The following CIAO2A variants were observed in gnomAD, a reference collection of about 807,000 sequenced individuals.
CIAO2A encodes cytosolic iron-sulfur assembly component 2A, also known as MIP18 family protein FAM96A.
CIAO2A carries 17 observed loss-of-function variants against 22.4 expected under a neutral mutation model. The ratio of observed to expected loss-of-function variants is 0.76; its 90% CI spans 0.52 to 1.14. The LOEUF (loss-of-function observed/expected upper bound fraction) is 1.14. Among genes scored for constraint, CIAO2A ranks in the 50% most tolerant of loss-of-function variants. The probability of loss-of-function intolerance (pLI) is 0.00; values close to 1 mark genes in which losing one functional copy is unlikely to be tolerated. For synonymous variants in CIAO2A, 74 were observed against 72.3 expected (o/e 1.02, Z -0.12); for missense variants, 192 against 191.4 (o/e 1.00, Z -0.02).
intron 1 of CIAO2A, among the ~76,000 whole-genome samples, chr15:64,089,725 G>A (rs546001660): frequency 7.9e-5 from 12 of 152,270 alleles, no homozygotes; most frequent in African/African-American, 2.2e-4. Flanking sequence ...CTCATCATCA[G>A]CTGCTAGACT....
intron 2 of CIAO2A, among the ~76,000 whole-genome samples, chr15:64,085,022 G>T (rs537543570): frequency 1.4e-5 from 2 of 141,384 alleles, no homozygotes; most frequent in East Asian, 4.3e-4. Flanking sequence ...AACCTGGGAG[G>T]TGGAAGCTCC....
chr15:64,091,386 G>A (rs368546826), intron 1 of CIAO2A, among the ~76,000 whole-genome samples: 2 of 151,812 alleles, frequency 1.3e-5, no homozygotes, highest in South Asian at 2.1e-4. Context: ...TCAGGAGGCT[G>A]AGGTAGGAGA....
intron 3 of CIAO2A, among the ~76,000 whole-genome samples, chr15:64,077,846 A>G (rs1486527065): frequency 1.3e-5 from 2 of 152,220 alleles, no homozygotes; most frequent in African/African-American, 4.8e-5. Context: ...CGTGCTGTAG[A>G]TGAGATGACA....
intron 4 of CIAO2A, chr15:64,074,969 C>T (rs1326721056): frequency 6.6e-6 from 1 of 152,124 alleles, no homozygotes; most frequent in Non-Finnish European, 1.5e-5. Context: ...AGGGATCATA[C>T]AGAACATTTT....
chr15:64,075,671 G>C, intron 3 of CIAO2A, 134 bp from the exon 4 acceptor site: 1 of 492,704 alleles, frequency 2.0e-6, no homozygotes, highest in Non-Finnish European at 3.5e-6. Flanking sequence ...TTTTTTTTGA[G>C]ATGGAGTCTC....
intron 2 of CIAO2A, among the ~76,000 whole-genome samples, chr15:64,083,531 G>C (rs2080771526): frequency 6.6e-6 from 1 of 152,188 alleles, no homozygotes; most frequent in African/African-American, 2.4e-5. Flanking sequence ...TTCCAGGCTA[G>C]GACTACCTGC....
chr15:64,086,679 T>C (rs181894252), intron 2 of CIAO2A, among the ~76,000 whole-genome samples: 2 of 151,512 alleles, frequency 1.3e-5, no homozygotes, highest in Non-Finnish European at 2.9e-5. Context: ...AGTGGCGCAA[T>C]CTCAGCTCAC....
Position 64,075,552 on chromosome 15 carries a change from A to G in CIAO2A, c.340-15T>C. 6.5e-7 allele frequency: 1 copy of G among 1,545,472 alleles called. No homozygotes were observed. Among genetic ancestry groups the G allele is most frequent in the Non-Finnish European group, 8.8e-7 (1 of 1,130,306 alleles). ...TAGATTTCCAACTGGAAAGTGGGAA[A>G]AAAAGTAAAAGAAAAAACATTAATG... On this transcript the variant is annotated splice_polypyrimidine_tract_variant and intron_variant, in intron 3 of 4. Coordinates refer to ENST00000300030, the MANE Select transcript of CIAO2A (RefSeq NM_032231.7).
intron 3 of CIAO2A, among the ~76,000 whole-genome samples, chr15:64,076,577 T>C (rs2080718689): frequency 6.6e-6 from 1 of 152,152 alleles, no homozygotes; most frequent in Admixed American, 6.6e-5. Flanking sequence ...TATGCTGTAA[T>C]AAAGACGTCT....
intron 2 of CIAO2A, among the ~76,000 whole-genome samples, chr15:64,085,019 G>A (rs2080783016): frequency 1.5e-5 from 2 of 133,250 alleles, no homozygotes; most frequent in South Asian, 4.5e-4. Flanking sequence ...TTGAACCTGG[G>A]AGGTGGAAGC....
chr15:64,085,039 C>CAAGAATGCGCA (rs2080783326), intron 2 of CIAO2A, among the ~76,000 whole-genome samples: 1 of 151,126 alleles, frequency 6.6e-6, no homozygotes. Flanking sequence ...CTCCAGTGGC[C>CAAGAATGCGCA]ACTACACTCC....
At chr15:64,081,473 A>G (rs1272414512) in intron 2 of CIAO2A, among the ~76,000 whole-genome samples, 1 of 152,062 alleles carries the variant, frequency 6.6e-6, no homozygotes, top group Non-Finnish European at 1.5e-5. Context: ...ACCACTGGAA[A>G]GCCCAGGCCA....
At position 64,087,084 on chromosome 15, in the gene CIAO2A, C is replaced by CTTTTTTTTT. The variant is rs766247330; in HGVS notation, c.289+1594_289+1602dup. Among the ~76,000 whole-genome samples, 4 of 76,064 alleles carry CTTTTTTTTT rather than the reference C, an allele frequency of 5.3e-5. 1 individual carries two copies. Among genetic ancestry groups the CTTTTTTTTT allele is most frequent in the Non-Finnish European group, 4.8e-5 (2 of 41,640 alleles). 49.9% of individuals were successfully genotyped at this position (76,064 alleles called of 152,430 possible). A position where few individuals can be genotyped will look rare whatever the true frequency, so the allele number is the denominator to read the frequency against. ...GTGCCACCATGCCTTGCTAATTTTGCTTTTTTTTTTTTTTTTTTTTTTGGG... is the reference window on the plus strand; with the variant it reads ...GTGCCACCATGCCTTGCTAATTTTGCTTTTTTTTTTTTTTTTTTTTTTTTTTTTTTTGGG... On this transcript the variant is annotated intron_variant, in intron 2 of 4. Transcript: ENST00000300030.
In CIAO2A at chr15:64,081,169, C is replaced by A. The variant is rs2080756703; in HGVS notation, c.290-18G>T. ...GCACAGCCCTGTGGAGGGAAAATCA[C>A]ACCTCCAATTATCTCTTTATTGCTT... On this transcript the variant is annotated intron_variant, in intron 2 of 4. Transcript: ENST00000300030. 2.5e-6 allele frequency: 4 copies of A among 1,607,852 alleles called. No homozygotes were observed. The highest frequency in any genetic ancestry group is 2.7e-5 in the African/African-American group (2 of 74,714).
Position 64,075,510 on chromosome 15 carries a change from G to C in CIAO2A, c.367C>G (p.His123Asp), listed in dbSNP as rs777431269. The change falls in exon 4 of 5, where the codon CAC (histidine) becomes GAC (aspartate). Residue 123 changes from histidine (H) to aspartate (D), a missense_variant. Coordinates refer to ENST00000300030, the MANE Select transcript of CIAO2A (RefSeq NM_032231.7). The part of the protein sequence containing the change: ...KLEIYISEGT[H>D]STEEDINKQI... ...CACTTACTGTCTTCTTCTGTTGAGT[G>C]GGTTCCTTCAGAAATGTAGATTTCC... is the stretch of plus-strand genomic sequence containing the variant. 6.3e-7 allele frequency: 1 copy of C among 1,585,806 alleles called. No individual in the cohort carries two copies. Among genetic ancestry groups the C allele is most frequent in the South Asian group, 1.2e-5 (1 of 86,328 alleles).
chr15:64,092,155 A>G (rs533403095), intron 1 of CIAO2A, among the ~76,000 whole-genome samples: 1 of 152,236 alleles, frequency 6.6e-6, no homozygotes, highest in East Asian at 1.9e-4. Context: ...GCACTATTAA[A>G]ATTCTTCATT....
chr15:64,087,161 G>A (rs1408734852), intron 2 of CIAO2A, among the ~76,000 whole-genome samples: 4 of 134,724 alleles, frequency 3.0e-5, no homozygotes, highest in African/African-American at 1.1e-4. Context: ...GTGCAATCTC[G>A]GCTCACTGCA....
intron 3 of CIAO2A, among the ~76,000 whole-genome samples, chr15:64,077,281 G>C (rs2080726408): frequency 6.6e-6 from 1 of 150,976 alleles, no homozygotes; most frequent in South Asian, 2.1e-4. Flanking sequence ...CTGGGTGACA[G>C]AGCGAGACTC....
At chr15:64,083,029 C>T (rs2073644977) in intron 2 of CIAO2A, among the ~76,000 whole-genome samples, 1 of 150,422 alleles carries the variant, frequency 6.6e-6, no homozygotes, top group African/African-American at 2.4e-5. Flanking sequence ...TAGCAAGACC[C>T]CATCTCTAAA....
Sources: gnomAD v4.1 joint callset for allele counts (sites outside exome capture counted in the v4.1 genomes callset) on GRCh38, gnomAD v4.1.1 for gene constraint, MANE v1.5 for transcripts, NCBI Gene and HGNC (gene_info 2026-07-23, HGNC 2026-07-21) for gene names.